Variants in GALNT10 observed in about 807,000 individuals in gnomAD.
GALNT10 encodes the protein polypeptide N-acetylgalactosaminyltransferase 10.
A neutral mutation model predicts 75.0 loss-of-function variants in GALNT10; 41 were observed. The ratio of observed to expected loss-of-function variants is 0.55; its 90% CI spans 0.43 to 0.71. The LOEUF (loss-of-function observed/expected upper bound fraction) is 0.71. Ranked by LOEUF, GALNT10 falls within the 30% of genes least tolerant of loss-of-function variation. GALNT10 has a pLI of 0.00. For synonymous variants in GALNT10, 302 were observed against 313.0 expected, an observed-to-expected ratio of 0.96 and a Z score of 0.37; for missense variants, 727 against 818.5, an observed-to-expected ratio of 0.89 and a Z score of 1.36.
chr5:154,398,540 T>A (rs761790433), intron 7 of GALNT10, among the ~76,000 whole-genome samples: 5 of 152,164 alleles, frequency 3.3e-5, no homozygotes, highest in Admixed American at 6.5e-5. Flanking sequence ...AGAGTATGTC[T>A]GGGCTGGGGA....
At chr5:154,202,747 T>G (rs1023538991) in intron 1 of GALNT10, among the ~76,000 whole-genome samples, 3 of 152,166 alleles carry the variant, frequency 2.0e-5, no homozygotes, top group African/African-American at 7.2e-5. Context: ...CACCCATAAC[T>G]CTTCCTGCCA....
intron 7 of GALNT10, among the ~76,000 whole-genome samples, chr5:154,393,432 G>A (rs1231385988): frequency 1.3e-5 from 2 of 152,166 alleles, no homozygotes; most frequent in South Asian, 2.1e-4. Flanking sequence ...TGGCCTTTGG[G>A]GGTGGGAGGT....
intron 1 of GALNT10, among the ~76,000 whole-genome samples, chr5:154,237,250 GC>G (rs1326933236): frequency 1.3e-5 from 2 of 152,192 alleles, no homozygotes. Flanking sequence ...GTTTTGGTGA[GC>G]TCTGAGGACC....
intron 1 of GALNT10, among the ~76,000 whole-genome samples, chr5:154,247,359 A>G (rs1753443819): frequency 1.3e-5 from 2 of 152,214 alleles, no homozygotes; most frequent in African/African-American, 4.8e-5. Context: ...AGTCATTGGT[A>G]GCTTGATGGG....
At chr5:154,374,160 G>A (rs189992897) in intron 4 of GALNT10, among the ~76,000 whole-genome samples, 62 of 152,248 alleles carry the variant, frequency 4.1e-4, no homozygotes, top group South Asian at 1.0e-3. Context: ...GTCTCTTTTG[G>A]AAAGATTTAG....
At chr5:154,362,364 GTGGAGT>G (rs1755403677) in intron 4 of GALNT10, among the ~76,000 whole-genome samples, 1 of 152,152 alleles carries the variant, frequency 6.6e-6, no homozygotes, top group Non-Finnish European at 1.5e-5. Context: ...ACACCACATT[GTGGAGT>G]TCTCTCGGAG....
Position 154,398,446 on chromosome 5 carries a change from C to CCTCTTGGGTGAGAGGACAGTG in GALNT10, c.1057-5647_1057-5627dup, listed in dbSNP as rs1281272588. Among the ~76,000 whole-genome samples the CCTCTTGGGTGAGAGGACAGTG allele has an allele frequency of 8.5e-5, 13 of 152,358 alleles. 1 individual carries two copies. The highest frequency in any genetic ancestry group is 7.2e-4 in the Admixed American group (11 of 15,312). Reference sequence around the variant, plus strand: ...TGTCCCCAGCTGGACTCTGCTCCTGCCTCTTGGGTGAGAGGACAGTGCTCT... The same window carrying CCTCTTGGGTGAGAGGACAGTG: ...TGTCCCCAGCTGGACTCTGCTCCTGCCTCTTGGGTGAGAGGACAGTGCTCTTGGGTGAGAGGACAGTGCTCT... On this transcript the variant is annotated intron_variant, in intron 7 of 11. Coordinates refer to ENST00000297107, the MANE Select transcript of GALNT10 (RefSeq NM_198321.4).
intron 1 of GALNT10, among the ~76,000 whole-genome samples, chr5:154,238,965 A>G (rs1753290888): frequency 6.6e-6 from 1 of 152,172 alleles, no homozygotes; most frequent in Admixed American, 6.5e-5. Context: ...GAACTGAGGA[A>G]GCCGAGTCTC....
chr5:154,321,493 G>GT (rs940933332), intron 3 of GALNT10, among the ~76,000 whole-genome samples: 3 of 151,624 alleles, frequency 2.0e-5, no homozygotes, highest in South Asian at 2.1e-4. Context: ...TTGTTAGTTT[G>GT]TTTTTTTTAT....
At chr5:154,326,453 A>G (rs140566996) in intron 3 of GALNT10, among the ~76,000 whole-genome samples, 9 of 152,258 alleles carry the variant, frequency 5.9e-5, no homozygotes, top group Non-Finnish European at 1.0e-4. Context: ...ATGAATGTTC[A>G]TATTCATGTT....
intron 7 of GALNT10, among the ~76,000 whole-genome samples, chr5:154,393,205 C>G (rs2113197111): frequency 6.6e-6 from 1 of 152,084 alleles, no homozygotes; most frequent in East Asian, 1.9e-4. Context: ...TCCCAAATAG[C>G]TGGGACTACA....
chr5:154,380,411 C>G (rs1582000945), intron 5 of GALNT10, 37 bp from the exon 6 acceptor site: 1 of 1,562,412 alleles, frequency 6.4e-7, no homozygotes, highest in East Asian at 2.3e-5. Flanking sequence ...GCTTCCCCAT[C>G]CTGCTTCATC....
At chr5:154,244,869 C>T (rs1314816211) in intron 1 of GALNT10, among the ~76,000 whole-genome samples, 1 of 152,170 alleles carries the variant, frequency 6.6e-6, no homozygotes, top group Non-Finnish European at 1.5e-5. Context: ...GAACACAGCA[C>T]AGTATGAAAA....
At chr5:154,283,468 A>G (rs897612087) in intron 1 of GALNT10, among the ~76,000 whole-genome samples, 4 of 152,050 alleles carry the variant, frequency 2.6e-5, no homozygotes, top group Non-Finnish European at 5.9e-5. Flanking sequence ...AAAAAAATAA[A>G]TAAATAAAAA....
chr5:154,297,757 CAA>C (rs1233858215), intron 2 of GALNT10, among the ~76,000 whole-genome samples, 182 bp from the exon 3 acceptor site: 2 of 151,954 alleles, frequency 1.3e-5, no homozygotes, highest in Admixed American at 1.3e-4. Flanking sequence ...ACAAGATGTG[CAA>C]AGTGTCTGAA....
rs573609044 is a variant in GALNT10, at chr5:154,296,081, G to GTTTGT, written c.262+1182_262+1186dup. ...AATGGGTGCTGCTCTTTTTTTGTTT[G>GTTTGT]TTTGTTTTGTTTTGTTTTGTTTTCA... On this transcript the variant is annotated intron_variant, in intron 2 of 11. Coordinates refer to ENST00000297107, the MANE Select transcript of GALNT10 (RefSeq NM_198321.4). Among the ~76,000 whole-genome samples, 21 of 151,800 alleles carry GTTTGT rather than the reference G, an allele frequency of 1.4e-4. No homozygotes were observed. The South Asian group carries it at 1.9e-3, about 14-fold the overall frequency.
At chr5:154,351,534 C>A (rs1208129497) in intron 4 of GALNT10, among the ~76,000 whole-genome samples, 1 of 152,196 alleles carries the variant, frequency 6.6e-6, no homozygotes, top group African/African-American at 2.4e-5. Flanking sequence ...AAATATCCAA[C>A]ATAGTAAACA....
intron 3 of GALNT10, among the ~76,000 whole-genome samples, chr5:154,320,332 T>C (rs757474176): frequency 1.3e-5 from 2 of 152,236 alleles, no homozygotes; most frequent in Non-Finnish European, 2.9e-5. Flanking sequence ...TCTACTTCCC[T>C]TAATGCATGA....
chr5:154,202,372 G>A (rs1376755685), intron 1 of GALNT10, among the ~76,000 whole-genome samples: 1 of 152,210 alleles, frequency 6.6e-6, no homozygotes, highest in Non-Finnish European at 1.5e-5. Flanking sequence ...AGTTAGCTTT[G>A]TCCTTGAGCA....
Sources: allele counts gnomAD v4.1 joint callset (sites outside exome capture counted in the v4.1 genomes callset), GRCh38; gene constraint gnomAD v4.1.1; transcripts MANE v1.5; gene names NCBI Gene and HGNC (gene_info 2026-07-23, HGNC 2026-07-21).